The following GALNTL6 variants were observed in gnomAD, a reference collection of about 807,000 sequenced individuals.
GALNTL6 encodes polypeptide N-acetylgalactosaminyltransferase-like 6.
A neutral mutation model predicts 73.7 loss-of-function variants in GALNTL6; 46 were observed. The observed-to-expected ratio is 0.62, with a 90% CI of 0.49 to 0.80. GALNTL6 has a LOEUF of 0.80. GALNTL6 is among the 30% of genes least tolerant of loss of function. The probability of loss-of-function intolerance (pLI) is 0.00; values close to 1 mark genes in which losing one functional copy is unlikely to be tolerated. For missense variants in GALNTL6, 604 were observed against 755.0 expected (o/e 0.80, Z 2.34); for synonymous variants, 259 against 263.7 (o/e 0.98, Z 0.17).
intron 2 of GALNTL6, among the ~76,000 whole-genome samples, chr4:171,973,148 A>G (rs953391310): frequency 6.6e-6 from 1 of 152,172 alleles, no homozygotes; most frequent in African/African-American, 2.4e-5. Flanking sequence ...GGGAAGTTGT[A>G]TGTGGGAGAA....
chr4:172,176,213 A>G (rs1050756249), intron 2 of GALNTL6, among the ~76,000 whole-genome samples: 8 of 151,524 alleles, frequency 5.3e-5, no homozygotes, highest in South Asian at 2.1e-4. Context: ...GGTGGCGGGC[A>G]CCTGTAGTCC....
At chr4:171,908,305 AAAC>A (rs1415344552) in intron 2 of GALNTL6, among the ~76,000 whole-genome samples, 2 of 152,158 alleles carry the variant, frequency 1.3e-5, no homozygotes, top group African/African-American at 4.8e-5. Flanking sequence ...ACAAGAAAAA[AAAC>A]AAACAAACCC....
intron 5 of GALNTL6, among the ~76,000 whole-genome samples, chr4:172,776,134 T>A (rs562486605): frequency 2.2e-4 from 33 of 152,324 alleles, no homozygotes; most frequent in Middle Eastern, 3.4e-3. Flanking sequence ...AGATAATTAA[T>A]GTGTGCTGTT....
chr4:172,476,252 G>A (rs545136556), intron 5 of GALNTL6, among the ~76,000 whole-genome samples: 15 of 152,312 alleles, frequency 9.8e-5, no homozygotes, highest in African/African-American at 3.4e-4. Context: ...GCACCCTCTC[G>A]CTGTGTTCTA....
intron 10 of GALNTL6, among the ~76,000 whole-genome samples, chr4:172,974,194 A>C (rs549971365): frequency 2.0e-5 from 3 of 152,328 alleles, no homozygotes; most frequent in African/African-American, 7.2e-5. Flanking sequence ...CACAGTAACA[A>C]AAAATTTCAT....
intron 5 of GALNTL6, among the ~76,000 whole-genome samples, chr4:172,594,777 C>T (rs771657522): frequency 1.5e-4 from 23 of 152,062 alleles, no homozygotes; most frequent in Admixed American, 7.2e-4. Context: ...TAGTACTGTC[C>T]GATTTTTAAA....
intron 4 of GALNTL6, among the ~76,000 whole-genome samples, chr4:172,318,894 A>G (rs1456737927): frequency 6.6e-6 from 1 of 152,178 alleles, no homozygotes; most frequent in East Asian, 1.9e-4. Context: ...AGCCTCTGTA[A>G]TCTTATGATA....
chr4:172,872,360 C>T (rs1416804251), intron 7 of GALNTL6, among the ~76,000 whole-genome samples: 19 of 152,116 alleles, frequency 1.2e-4, no homozygotes, highest in Admixed American at 1.0e-3. Context: ...ATTTTGACTG[C>T]CCTTCCCCTC....
chr4:172,627,212 G>T (rs1355188778), intron 5 of GALNTL6, among the ~76,000 whole-genome samples: 1 of 152,050 alleles, frequency 6.6e-6, no homozygotes, highest in Non-Finnish European at 1.5e-5. Flanking sequence ...AAGGGATGTT[G>T]AATTTCATCA....
In GALNTL6 at chr4:171,819,146, T is replaced by C. The variant is rs137910890; in HGVS notation, c.138+4428T>C. The stretch of plus-strand genomic sequence containing the variant: ...GATGGCACATTATCAATACACTAGA[T>C]ATGAAAGGACACATTAGTTTGAGCC... On this transcript the variant is annotated intron_variant, in intron 2 of 12. Coordinates refer to ENST00000506823, the MANE Select transcript of GALNTL6 (RefSeq NM_001034845.3). Among the ~76,000 whole-genome samples, 8 of 152,182 alleles carry C rather than the reference T, an allele frequency of 5.3e-5. No individual in the cohort carries two copies. In the East Asian group the frequency reaches 1.4e-3, roughly 26 times the overall value.
At chr4:172,082,107 C>T (rs1731898517) in intron 2 of GALNTL6, among the ~76,000 whole-genome samples, 1 of 152,048 alleles carries the variant, frequency 6.6e-6, no homozygotes, top group South Asian at 2.1e-4. Context: ...AAATTCCTGA[C>T]CTCAAATGAT....
intron 5 of GALNTL6, among the ~76,000 whole-genome samples, chr4:172,708,806 C>T (rs974069274): frequency 7.9e-5 from 12 of 152,188 alleles, no homozygotes. Context: ...AAGCACATTA[C>T]ATGTTTGTGA....
chr4:172,011,944 G>A (rs1346546440), intron 2 of GALNTL6, among the ~76,000 whole-genome samples: 1 of 151,982 alleles, frequency 6.6e-6, no homozygotes, highest in Non-Finnish European at 1.5e-5. Context: ...TCATTTAATG[G>A]TGAACTAAGA....
intron 5 of GALNTL6, among the ~76,000 whole-genome samples, chr4:172,393,532 A>C (rs1003526668): frequency 1.8e-4 from 28 of 152,230 alleles, no homozygotes; most frequent in Admixed American, 6.5e-4. Flanking sequence ...TGACACATTA[A>C]ATGATGAAGC....
At chr4:172,771,858 T>C (rs1349633872) in intron 5 of GALNTL6, among the ~76,000 whole-genome samples, 1 of 152,220 alleles carries the variant, frequency 6.6e-6, no homozygotes, top group Non-Finnish European at 1.5e-5. Flanking sequence ...CAATCTTTTT[T>C]TTTTCTAAGA....
chr4:172,635,286 T>C (rs1739616402), intron 5 of GALNTL6, among the ~76,000 whole-genome samples: 1 of 152,182 alleles, frequency 6.6e-6, no homozygotes. Context: ...TTTTCAAATA[T>C]AGTGCGACTG....
intron 5 of GALNTL6, among the ~76,000 whole-genome samples, chr4:172,407,641 G>A (rs1744285613): frequency 6.6e-6 from 1 of 151,948 alleles, no homozygotes; most frequent in African/African-American, 2.4e-5. Flanking sequence ...TCTACACAAC[G>A]AAACAAAATG....
chr4:172,303,062 C>T (rs989195933), intron 3 of GALNTL6, among the ~76,000 whole-genome samples: 8 of 151,956 alleles, frequency 5.3e-5, no homozygotes, highest in African/African-American at 7.3e-5. Context: ...TGCAGTGGTG[C>T]GATTTTGGCT....
chr4:172,665,631 T>C (rs1731617924), intron 5 of GALNTL6, among the ~76,000 whole-genome samples: 1 of 152,222 alleles, frequency 6.6e-6, no homozygotes, highest in Non-Finnish European at 1.5e-5. Flanking sequence ...TCCTCTAACA[T>C]TACCTTTCAC....
Sources: allele counts gnomAD v4.1 joint callset (sites outside exome capture counted in the v4.1 genomes callset), GRCh38; gene constraint gnomAD v4.1.1; transcripts MANE v1.5; gene names NCBI Gene and HGNC (gene_info 2026-07-23, HGNC 2026-07-21).